ASCC3: variants seen among roughly 807,000 people sequenced by gnomAD.
ASCC3 encodes the protein activating signal cointegrator 1 complex subunit 3.
In ASCC3, 158 loss-of-function variants were observed where a neutral mutation model predicts 256.3. That is an observed-to-expected ratio of 0.62 (90% CI 0.54 to 0.70). The LOEUF (loss-of-function observed/expected upper bound fraction) is 0.70. Among genes scored for constraint, ASCC3 ranks in the 30% least tolerant of loss-of-function variants. The probability of loss-of-function intolerance (pLI) is 0.00; values close to 1 mark genes in which losing one functional copy is unlikely to be tolerated. For missense variants in ASCC3, 2,259 were observed against 2,626.0 expected (o/e 0.86, Z 3.05); for synonymous variants, 948 against 883.4 (o/e 1.07, Z -1.30).
At chr6:100,655,672 T>C (rs761564494) in intron 17 of ASCC3, 27 bp downstream of exon 17, 1 of 1,603,986 alleles carries the variant, frequency 6.2e-7, no homozygotes, top group African/African-American at 1.3e-5. Context: ...AGGTCTGAAT[T>C]TTTTTTTTAA....
At chr6:100,588,417 C>T (rs1055668253) in intron 36 of ASCC3, among the ~76,000 whole-genome samples, 8 of 152,064 alleles carry the variant, frequency 5.3e-5, no homozygotes, top group African/African-American at 1.9e-4. Flanking sequence ...CAGTCTCTTC[C>T]CCAGAGAAAT....
intron 1 of ASCC3, among the ~76,000 whole-genome samples, chr6:100,875,320 T>C (rs566368980): frequency 2.3e-4 from 35 of 152,252 alleles, no homozygotes; most frequent in Non-Finnish European, 2.9e-4. Flanking sequence ...GGAGTCTATA[T>C]GTATAGAGGG....
chr6:100,771,540 T>TATATA (rs57732140), intron 8 of ASCC3, among the ~76,000 whole-genome samples: 142,710 of 151,886 alleles, frequency 0.94, 67,367 homozygotes, highest in South Asian at 0.99. Flanking sequence ...ATACGTAGAA[T>TATATA]AAAAAAACTC....
chr6:100,568,647 T>C (rs956034638), intron 36 of ASCC3, among the ~76,000 whole-genome samples: 3 of 151,740 alleles, frequency 2.0e-5, no homozygotes, highest in African/African-American at 7.2e-5. Context: ...GGTTGTCTGT[T>C]TGGTCTTTTA....
At chr6:100,792,922 G>T (rs1476883519) in intron 8 of ASCC3, among the ~76,000 whole-genome samples, 1 of 151,734 alleles carries the variant, frequency 6.6e-6, no homozygotes, top group East Asian at 1.9e-4. Flanking sequence ...AATATGAAAG[G>T]GTTTTCTTCT....
Position 100,652,708 on chromosome 6 carries a change from T to G in ASCC3, c.2988+17A>C. On this transcript the variant is annotated intron_variant, in intron 18 of 41. Coordinates refer to ENST00000369162, the MANE Select transcript of ASCC3 (RefSeq NM_006828.4). ...TATTTGCATCTAAAATCAAACATAT[T>G]TGCATTAGTATAATACCTCAATGGT... 1.9e-6 allele frequency: 3 copies of G among 1,609,046 alleles called. No homozygotes were observed. The highest frequency in any genetic ancestry group is 2.6e-6 in the Non-Finnish European group (3 of 1,175,770).
chr6:100,511,563 T>C (rs1011156538), intron 40 of ASCC3, among the ~76,000 whole-genome samples: 1 of 152,158 alleles, frequency 6.6e-6, no homozygotes, highest in Non-Finnish European at 1.5e-5. Context: ...AAACCCTATC[T>C]CTACTAAAAA....
At chr6:100,633,658 G>C (rs185828224) in intron 25 of ASCC3, among the ~76,000 whole-genome samples, 1 of 151,656 alleles carries the variant, frequency 6.6e-6, no homozygotes, top group East Asian at 1.9e-4. Flanking sequence ...CTAAGGTCAG[G>C]AGTTTCAGAC....
At chr6:100,793,003 T>C (rs1329722453) in intron 8 of ASCC3, among the ~76,000 whole-genome samples, 5 of 152,030 alleles carry the variant, frequency 3.3e-5, no homozygotes, top group Non-Finnish European at 7.4e-5. Context: ...ATTTATGCTA[T>C]TCAGCTACTT....
intron 4 of ASCC3, among the ~76,000 whole-genome samples, chr6:100,823,336 C>CA (rs1218498490): frequency 3.3e-5 from 5 of 152,082 alleles, no homozygotes; most frequent in African/African-American, 1.2e-4. Flanking sequence ...AAATTAAAAA[C>CA]ACAACAACAA....
At chr6:100,632,439 A>T (rs1304854094) in intron 25 of ASCC3, among the ~76,000 whole-genome samples, 1 of 152,006 alleles carries the variant, frequency 6.6e-6, no homozygotes, top group Admixed American at 6.6e-5. Context: ...CAGAATTCTA[A>T]TGGCATTTTT....
chr6:100,719,021 T>G (rs1779205473), intron 11 of ASCC3, among the ~76,000 whole-genome samples: 1 of 152,068 alleles, frequency 6.6e-6, no homozygotes, highest in African/African-American at 2.4e-5. Context: ...AGCAAAGTAG[T>G]TCAATGTGAA....
chr6:100,607,135 A>T (rs751662459), intron 30 of ASCC3, 47 bp from the exon 31 acceptor site: 70 of 1,575,070 alleles, frequency 4.4e-5, no homozygotes, highest in Non-Finnish European at 5.8e-5. Flanking sequence ...TAACTTTAAA[A>T]TTTTCATTAA....
chr6:100,565,613 G>A (rs549599154), intron 36 of ASCC3, among the ~76,000 whole-genome samples: 77 of 152,010 alleles, frequency 5.1e-4, no homozygotes, highest in Non-Finnish European at 7.6e-4. Context: ...TTTACAGACC[G>A]TCACTCCCGT....
At chr6:100,537,644 A>G (rs182187748) in intron 37 of ASCC3, among the ~76,000 whole-genome samples, 1 of 152,212 alleles carries the variant, frequency 6.6e-6, no homozygotes, top group East Asian at 1.9e-4. Flanking sequence ...TCAAAACGAA[A>G]GTCTAATTTT....
chr6:100,800,256 A>T, intron 6 of ASCC3, 44 bp downstream of exon 6: 5 of 1,579,116 alleles, frequency 3.2e-6, no homozygotes, highest in Non-Finnish European at 4.4e-6. Context: ...ATGTAAAAGC[A>T]GCAATTACAA....
chr6:100,725,363 T>C (rs995934058), intron 11 of ASCC3, among the ~76,000 whole-genome samples, 176 bp downstream of exon 11: 11 of 151,992 alleles, frequency 7.2e-5, no homozygotes, highest in African/African-American at 2.7e-4. Flanking sequence ...TATTTATGAA[T>C]AGCCAGTGAG....
chr6:100,869,508 T>C (rs1451866655), intron 1 of ASCC3, among the ~76,000 whole-genome samples: 1 of 152,130 alleles, frequency 6.6e-6, no homozygotes, highest in African/African-American at 2.4e-5. Flanking sequence ...ATACAACTTT[T>C]AGAAATAAAA....
chr6:100,720,286 C>T (rs1477914373), intron 11 of ASCC3, among the ~76,000 whole-genome samples: 1 of 151,750 alleles, frequency 6.6e-6, no homozygotes, highest in Non-Finnish European at 1.5e-5. Context: ...GGAAGATCAT[C>T]ATAAGCGTTA....
Sources: allele counts gnomAD v4.1 joint callset (sites outside exome capture counted in the v4.1 genomes callset), GRCh38; gene constraint gnomAD v4.1.1; transcripts MANE v1.5; gene names NCBI Gene and HGNC (gene_info 2026-07-23, HGNC 2026-07-21).